The following BACH1 variants were observed in gnomAD, a reference collection of about 807,000 sequenced individuals.
BACH1 encodes the protein transcription regulator protein BACH1.
A neutral mutation model predicts 52.9 loss-of-function variants in BACH1; 35 were observed. The ratio of observed to expected loss-of-function variants is 0.66; its 90% CI spans 0.51 to 0.88. The LOEUF (loss-of-function observed/expected upper bound fraction) is 0.88, where lower values mean the gene tolerates loss of function less well. Ranked by LOEUF, BACH1 falls within the 40% of genes least tolerant of loss-of-function variation. The pLI is 0.00. For missense variants in BACH1, 808 were observed against 872.6 expected, an observed-to-expected ratio of 0.93 and a Z score of 0.93; for synonymous variants, 321 against 319.6, an observed-to-expected ratio of 1.00 and a Z score of -0.05.
chr21:29,341,568 G>A (rs768272034), intron 4 of BACH1, among the ~76,000 whole-genome samples: 1 of 152,092 alleles, frequency 6.6e-6, no homozygotes, highest in Non-Finnish European at 1.5e-5. Context: ...AAAAACTTTT[G>A]AAAAATTCTG....
intron 1 of BACH1, among the ~76,000 whole-genome samples, chr21:29,311,540 G>C (rs1454065188): frequency 1.3e-5 from 2 of 151,880 alleles, no homozygotes; most frequent in African/African-American, 4.8e-5. Flanking sequence ...TTTTTTGGTG[G>C]ATACCTCTGT....
rs758554541 is a variant in BACH1 at position 29,342,617 on chromosome 21, G to A, written c.1995G>A (p.Ala665=). ...AAAGTACTCCTGATGGTGAACTGGC[G>A]TTACCATCAATTTTCAGTTTATCTG... ...KDKSTPDGEL[A]LPSIFSLSDR... is the part of the protein sequence containing the mutation. Residue 665 remains alanine, a synonymous_variant, in exon 5 of 5, where the codon GCG becomes GCA. Coordinates refer to ENST00000286800, the MANE Select transcript of BACH1 (RefSeq NM_001186.4). 2.4e-5 allele frequency: 38 copies of A among 1,614,010 alleles called. No homozygotes were observed. The highest frequency in any genetic ancestry group is 6.7e-5 in the East Asian group (3 of 44,902).
At chr21:29,321,645 C>CTTTTTT in intron 2 of BACH1, 131 bp downstream of exon 2, 1 of 505,018 alleles carries the variant, frequency 2.0e-6, no homozygotes, top group Non-Finnish European at 3.2e-6. Flanking sequence ...TGTGCAACCC[C>CTTTTTT]TTTTTTTTTT....
chr21:29,337,191 T>C (rs894902252), intron 4 of BACH1, among the ~76,000 whole-genome samples: 2 of 152,200 alleles, frequency 1.3e-5, no homozygotes, highest in African/African-American at 4.8e-5. Flanking sequence ...TTAACCTCTA[T>C]TGTTTCAAGA....
intron 2 of BACH1, chr21:29,351,618 A>AGGGGTTCTGTTTC (rs1361901866): frequency 1.9e-6 from 1 of 534,710 alleles, no homozygotes; most frequent in South Asian, 1.4e-5. Context: ...CTGATATTTG[A>AGGGGTTCTGTTTC]GGGGTTCTGT....
chr21:29,348,435 G>C (rs1003569208), downstream of BACH1, among the ~76,000 whole-genome samples: 1 of 151,820 alleles, frequency 6.6e-6, no homozygotes, highest in African/African-American at 2.4e-5. Context: ...AGTGCTGCCA[G>C]AGACCATAGT....
intron 1 of BACH1, chr21:29,299,848 G>C (rs1200991601): frequency 6.6e-6 from 1 of 152,228 alleles, no homozygotes; most frequent in South Asian, 2.1e-4. Context: ...AGAATGTTTT[G>C]TAGGATGCTT....
chr21:29,358,770 AAAAGAAAG>A (rs373884402), intron 2 of BACH1, among the ~76,000 whole-genome samples: 7,018 of 108,898 alleles, frequency 0.064, 220 homozygotes, highest in Non-Finnish European at 0.073. Context: ...AAAAGAAAAG[AAAAGAAAG>A]AAAGAAAGAA....
intron 2 of BACH1, among the ~76,000 whole-genome samples, chr21:29,353,006 T>C (rs1692944438): frequency 6.6e-6 from 1 of 152,002 alleles, no homozygotes; most frequent in South Asian, 2.1e-4. Flanking sequence ...AGCCACTGTG[T>C]CCAGCCTAAT....
chr21:29,318,044 CTA>C (rs1439367451), intron 1 of BACH1, among the ~76,000 whole-genome samples: 1 of 151,770 alleles, frequency 6.6e-6, no homozygotes, highest in African/African-American at 2.4e-5. Context: ...GGTGATGCGC[CTA>C]TGTGGGTCTT....
At chr21:29,358,523 C>T (rs2089248387) in intron 2 of BACH1, among the ~76,000 whole-genome samples, 1 of 152,066 alleles carries the variant, frequency 6.6e-6, no homozygotes, top group South Asian at 2.1e-4. Context: ...AAGTGGATCA[C>T]GAGATCAGGA....
At chr21:29,309,247 G>A (rs2088692817) in intron 1 of BACH1, among the ~76,000 whole-genome samples, 2 of 140,614 alleles carry the variant, frequency 1.4e-5, no homozygotes, top group Non-Finnish European at 1.5e-5. Context: ...GACAGAGTGA[G>A]ACTCTGTCTC....
At chr21:29,304,314 T>G (rs1163868109) in intron 1 of BACH1, among the ~76,000 whole-genome samples, 1 of 151,928 alleles carries the variant, frequency 6.6e-6, no homozygotes, top group Admixed American at 6.5e-5. Context: ...TTAGTAGAGA[T>G]GGGTTTCACC....
chr21:29,356,316 G>A (rs1176074427), intron 2 of BACH1, among the ~76,000 whole-genome samples: 4 of 152,040 alleles, frequency 2.6e-5, no homozygotes, highest in African/African-American at 9.7e-5. Flanking sequence ...GTAAGTTTGG[G>A]GTTTTAATTT....
intron 1 of BACH1, among the ~76,000 whole-genome samples, chr21:29,299,230 C>A (rs903519977): frequency 2.6e-5 from 4 of 151,496 alleles, no homozygotes; most frequent in South Asian, 4.2e-4. Context: ...CCGCGCGCGC[C>A]GTACTTTACC....
chr21:29,303,642 G>A (rs1354340581), intron 1 of BACH1, among the ~76,000 whole-genome samples: 1 of 152,192 alleles, frequency 6.6e-6, no homozygotes, highest in Non-Finnish European at 1.5e-5. Flanking sequence ...CATCTCCTAA[G>A]ATAGACATAA....
At chr21:29,321,170 C>T (rs897944831) in intron 1 of BACH1, 51 bp from the exon 2 acceptor site, 1 of 962,124 alleles carries the variant, frequency 1.0e-6, no homozygotes, top group African/African-American at 1.6e-5. Flanking sequence ...TTGACACTGT[C>T]ATTTTTTAAC....
chr21:29,316,010 A>G (rs1290444238), intron 1 of BACH1, among the ~76,000 whole-genome samples: 3 of 152,098 alleles, frequency 2.0e-5, no homozygotes, highest in Admixed American at 6.5e-5. Context: ...GGTGTTATTT[A>G]TTGTACCCTT....
chr21:29,327,309 T>C lies in BACH1; in HGVS notation c.1485T>C (p.Ala495=). 6.2e-7 allele frequency: 1 copy of C among 1,614,206 alleles called. No individual in the cohort carries two copies. The highest frequency in any genetic ancestry group is 2.2e-5 in the East Asian group (1 of 44,882). ...CCCAGCAAGAACCTTGCCCATATGC[T>C]TGTGTCATTAGCTTGGGAGACGACT... ...SEPQQEPCPY[A]CVISLGDDSE... Residue 495 remains alanine, a synonymous_variant, in exon 3 of 5, where the codon GCT becomes GCC. Transcript: ENST00000286800.
Sources: allele counts gnomAD v4.1 joint callset (sites outside exome capture counted in the v4.1 genomes callset), GRCh38; gene constraint gnomAD v4.1.1; transcripts MANE v1.5; gene names NCBI Gene and HGNC (gene_info 2026-07-23, HGNC 2026-07-21).